NCEH1: variants seen among roughly 807,000 people sequenced by gnomAD.
NCEH1 encodes the protein neutral cholesterol ester hydrolase 1.
Under a neutral mutation model 25.4 loss-of-function variants are expected in NCEH1, and 9 were observed. The ratio of observed to expected loss-of-function variants is 0.35; its 90% CI spans 0.21 to 0.62. The LOEUF (loss-of-function observed/expected upper bound fraction) is 0.62, where lower values mean the gene tolerates loss of function less well. Among genes scored for constraint, NCEH1 ranks in the 20% least tolerant of loss-of-function variants. NCEH1 has a pLI of 0.72. For missense variants in NCEH1, 412 were observed against 501.1 expected (o/e 0.82, Z 1.70); for synonymous variants, 200 against 199.8 (o/e 1.00, Z -0.01).
At chr3:172,643,031 C>G (rs1356745543) in intron 3 of NCEH1, among the ~76,000 whole-genome samples, 1 of 152,098 alleles carries the variant, frequency 6.6e-6, no homozygotes, top group Admixed American at 6.6e-5. Flanking sequence ...CTCCGCCTCC[C>G]GGGTTCAAGT....
chr3:172,655,530 G>T (rs1717651475), intron 1 of NCEH1, among the ~76,000 whole-genome samples: 1 of 152,216 alleles, frequency 6.6e-6, no homozygotes, highest in Non-Finnish European at 1.5e-5. Flanking sequence ...GAGAGTTGGG[G>T]AAAGGCAAAC....
intron 1 of NCEH1, among the ~76,000 whole-genome samples, chr3:172,704,801 C>A (rs1713886581): frequency 6.6e-6 from 1 of 152,246 alleles, no homozygotes; most frequent in Non-Finnish European, 1.5e-5. Context: ...CTAAACTATA[C>A]ATAGACTCTC....
At chr3:172,669,397 A>G (rs1244345760) in intron 1 of NCEH1, among the ~76,000 whole-genome samples, 1 of 152,198 alleles carries the variant, frequency 6.6e-6, no homozygotes, top group East Asian at 1.9e-4. Context: ...TGCCCTAAGG[A>G]AGTAGAACTA....
chr3:172,665,427 A>T (rs1718161968), intron 1 of NCEH1, among the ~76,000 whole-genome samples: 1 of 152,190 alleles, frequency 6.6e-6, no homozygotes, highest in Non-Finnish European at 1.5e-5. Context: ...CAGTTAGGCT[A>T]CTGAGGGGTC....
At chr3:172,654,502 A>G (rs1717601630) in intron 1 of NCEH1, among the ~76,000 whole-genome samples, 1 of 152,212 alleles carries the variant, frequency 6.6e-6, no homozygotes, top group Non-Finnish European at 1.5e-5. Context: ...CGTTTTTCCT[A>G]TTATGCACAT....
At chr3:172,698,169 G>A (rs567668542) in intron 1 of NCEH1, among the ~76,000 whole-genome samples, 2 of 151,950 alleles carry the variant, frequency 1.3e-5, no homozygotes, top group South Asian at 4.2e-4. Flanking sequence ...TAGAGATGGG[G>A]TTTCACCGTG....
chr3:172,640,584 T>C (rs1323559936), intron 3 of NCEH1, among the ~76,000 whole-genome samples: 2 of 152,212 alleles, frequency 1.3e-5, no homozygotes, highest in African/African-American at 2.4e-5. Context: ...CTCGGCTCAC[T>C]GCAAGCTCTG....
chr3:172,698,138 G>A (rs564205945), intron 1 of NCEH1, among the ~76,000 whole-genome samples: 60 of 151,978 alleles, frequency 3.9e-4, no homozygotes, highest in African/African-American at 1.4e-3. Flanking sequence ...CACCATGCCC[G>A]GCTAATTTTT....
intron 1 of NCEH1, among the ~76,000 whole-genome samples, chr3:172,708,497 A>G (rs886453488): frequency 8.5e-5 from 13 of 152,352 alleles, no homozygotes; most frequent in Admixed American, 6.5e-4. Flanking sequence ...CTGGGACTAC[A>G]GGCACCTGCC....
At chr3:172,637,632 TA>T (rs1253625083) in intron 3 of NCEH1, among the ~76,000 whole-genome samples, 1 of 152,164 alleles carries the variant, frequency 6.6e-6, no homozygotes, top group African/African-American at 2.4e-5. Context: ...CTTAGGTCTG[TA>T]ATCCCAGCAC....
At chr3:172,634,242 T>C in intron 4 of NCEH1, 150 bp from the exon 5 acceptor site, 3 of 741,148 alleles carry the variant, frequency 4.0e-6, no homozygotes, top group Non-Finnish European at 4.3e-6. Context: ...TAATAAAGTT[T>C]AAAAAATAAT....
chr3:172,706,502 T>TTC (rs34489274), intron 1 of NCEH1, among the ~76,000 whole-genome samples: 21 of 116,926 alleles, frequency 1.8e-4, no homozygotes, highest in African/African-American at 5.9e-4. Flanking sequence ...CATTTTTCTT[T>TTC]TTTTTTTTTT....
At chr3:172,660,970 A>C (rs1393641008) in intron 1 of NCEH1, among the ~76,000 whole-genome samples, 1 of 152,074 alleles carries the variant, frequency 6.6e-6, no homozygotes, top group African/African-American at 2.4e-5. Flanking sequence ...GAAGCTCTTT[A>C]GTTTAATTAG....
chr3:172,667,160 TTC>T (rs1374008362), intron 1 of NCEH1, among the ~76,000 whole-genome samples: 1 of 152,218 alleles, frequency 6.6e-6, no homozygotes, highest in African/African-American at 2.4e-5. Flanking sequence ...GTAAGATGTC[TTC>T]TGTGGCCAAA....
chr3:172,687,152 C>CT lies in NCEH1; in HGVS notation c.138+23694dup, dbSNP rs1434910871. On this transcript the variant is annotated intron_variant, in intron 1 of 4. Transcript: ENST00000475381. ...ATAGGCCTACTTCCCAAACATGCAGCTTGGTTTTGTTGATGGTTTATTTTC... is the reference window on the plus strand; with the variant it reads ...ATAGGCCTACTTCCCAAACATGCAGCTTTGGTTTTGTTGATGGTTTATTTTC... Among the ~76,000 whole-genome samples the CT allele has an allele frequency of 2.0e-5, 3 of 152,160 alleles. No individual in the cohort carries two copies. The East Asian group carries it at 5.8e-4, about 29-fold the overall frequency.
intron 1 of NCEH1, among the ~76,000 whole-genome samples, chr3:172,688,536 GGATT>G (rs1311368901): frequency 6.6e-6 from 1 of 151,888 alleles, no homozygotes; most frequent in Non-Finnish European, 1.5e-5. Flanking sequence ...AGAAATGGAA[GGATT>G]AATTTTTCTG....
At chr3:172,642,855 G>T (rs557291079) in intron 3 of NCEH1, among the ~76,000 whole-genome samples, 30 of 152,162 alleles carry the variant, frequency 2.0e-4, no homozygotes, top group African/African-American at 6.8e-4. Context: ...TCCAAGCCTT[G>T]TACTGGGTTC....
rs1176459580 is a variant in NCEH1, at chr3:172,633,306, A to G, written c.*169T>C. Reference sequence around the variant, plus strand: ...TTTTGCACTTAAGTTAGTCAAATTCATTTTTAAAAATTAGGTTATCATAAA... The same window carrying G: ...TTTTGCACTTAAGTTAGTCAAATTCGTTTTTAAAAATTAGGTTATCATAAA... On this transcript the variant is annotated 3_prime_UTR_variant, in exon 5 of 5. Transcript: ENST00000475381. 2.6e-5 allele frequency: 18 copies of G among 699,598 alleles called. No homozygotes were observed. Among genetic ancestry groups the G allele is most frequent in the Non-Finnish European group, 4.3e-5 (18 of 422,278 alleles). The allele number at this position is 699,598 out of a possible 1,614,324, so 43.3% of individuals were successfully genotyped here.
chr3:172,688,097 G>A (rs942022681), intron 1 of NCEH1, among the ~76,000 whole-genome samples: 1 of 152,026 alleles, frequency 6.6e-6, no homozygotes, highest in Non-Finnish European at 1.5e-5. Context: ...CACCTTGGGA[G>A]GCTGAGGCAG....
Sources: gnomAD v4.1 joint callset for allele counts (sites outside exome capture counted in the v4.1 genomes callset) on GRCh38, gnomAD v4.1.1 for gene constraint, MANE v1.5 for transcripts, NCBI Gene and HGNC (gene_info 2026-07-23, HGNC 2026-07-21) for gene names.